PTPRD: variants seen among roughly 807,000 people sequenced by gnomAD.
PTPRD encodes receptor-type tyrosine-protein phosphatase delta.
PTPRD carries 34 observed loss-of-function variants against 214.5 expected under a neutral mutation model. The observed-to-expected ratio is 0.16, with a 90% CI of 0.12 to 0.21. The LOEUF (loss-of-function observed/expected upper bound fraction) is 0.21, where lower values mean the gene tolerates loss of function less well. PTPRD is among the 10% of genes least tolerant of loss of function. The pLI, the probability that PTPRD is intolerant of heterozygous loss-of-function variation, is 1.00. For synonymous variants in PTPRD, 1,128 were observed against 845.7 expected (o/e 1.33, Z -5.79); for missense variants, 2,545 against 2,398.7 (o/e 1.06, Z -1.27).
intron 7 of PTPRD, among the ~76,000 whole-genome samples, chr9:9,575,582 T>C (rs1591982927): frequency 1.3e-5 from 2 of 150,998 alleles, no homozygotes; most frequent in African/African-American, 4.9e-5. Flanking sequence ...TAGCCACCTG[T>C]GGTGGTGCAT....
intron 9 of PTPRD, among the ~76,000 whole-genome samples, chr9:9,285,546 G>A (rs1405475009): frequency 6.6e-6 from 1 of 151,788 alleles, no homozygotes; most frequent in African/African-American, 2.4e-5. Context: ...ATTAGCAATT[G>A]TGCAAGTGCT....
At chr9:10,149,762 G>T (rs567711499) in intron 3 of PTPRD, among the ~76,000 whole-genome samples, 1 of 142,856 alleles carries the variant, frequency 7.0e-6, no homozygotes, top group African/African-American at 2.6e-5. Context: ...ATGGAGTCTT[G>T]CTCTGTCGTC....
chr9:9,386,634 T>C (rs1440879591), intron 9 of PTPRD, among the ~76,000 whole-genome samples: 1 of 152,068 alleles, frequency 6.6e-6, no homozygotes, highest in Non-Finnish European at 1.5e-5. Context: ...AATAGCAAAA[T>C]ATGAGGAAAA....
chr9:8,321,818 T>C (rs1476907585), intron 44 of PTPRD, among the ~76,000 whole-genome samples: 1 of 151,876 alleles, frequency 6.6e-6, no homozygotes, highest in East Asian at 1.9e-4. Flanking sequence ...GTATACACTG[T>C]TTTATTGTGC....
intron 7 of PTPRD, among the ~76,000 whole-genome samples, chr9:9,660,784 T>C (rs996146176): frequency 1.3e-5 from 2 of 151,958 alleles, no homozygotes; most frequent in African/African-American, 4.8e-5. Context: ...AGATTATGCA[T>C]AGAAAATTAA....
At chr9:10,609,676 G>A (rs941563565) in intron 2 of PTPRD, among the ~76,000 whole-genome samples, 3 of 152,046 alleles carry the variant, frequency 2.0e-5, no homozygotes, top group African/African-American at 7.2e-5. Context: ...AGATATCATG[G>A]CATTCCATAA....
At chr9:10,455,224 A>G (rs998664129) in intron 2 of PTPRD, among the ~76,000 whole-genome samples, 1 of 151,592 alleles carries the variant, frequency 6.6e-6, no homozygotes, top group Non-Finnish European at 1.5e-5. Context: ...GAGCTTTCCA[A>G]TTGTTTTTTT....
chr9:9,547,078 T>G (rs189415614), intron 8 of PTPRD, among the ~76,000 whole-genome samples: 1 of 152,132 alleles, frequency 6.6e-6, no homozygotes, highest in Admixed American at 6.6e-5. Flanking sequence ...TAACAACAGC[T>G]ATCACAAAGA....
chr9:8,395,971 G>C (rs1375206703), intron 36 of PTPRD, among the ~76,000 whole-genome samples: 4 of 152,040 alleles, frequency 2.6e-5, no homozygotes, highest in African/African-American at 9.7e-5. Flanking sequence ...GGCCACTGAA[G>C]CTTAACTTTC....
At chr9:10,122,124 A>T (rs2098780727) in intron 3 of PTPRD, among the ~76,000 whole-genome samples, 1 of 152,150 alleles carries the variant, frequency 6.6e-6, no homozygotes, top group African/African-American at 2.4e-5. Context: ...CCTGGCCAAC[A>T]TGGTGAATCC....
intron 11 of PTPRD, among the ~76,000 whole-genome samples, chr9:8,999,976 A>G (rs557398920): frequency 6.6e-6 from 1 of 152,124 alleles, no homozygotes; most frequent in Admixed American, 6.6e-5. Context: ...AATGAGTTTC[A>G]TTTCCTGATC....
At chr9:10,389,679 G>T (rs2098014330) in intron 2 of PTPRD, among the ~76,000 whole-genome samples, 1 of 151,766 alleles carries the variant, frequency 6.6e-6, no homozygotes, top group Non-Finnish European at 1.5e-5. Context: ...CATGACCTCT[G>T]TTCTGACTCC....
chr9:9,492,554 C>T (rs1040749192), intron 8 of PTPRD, among the ~76,000 whole-genome samples: 6 of 151,988 alleles, frequency 3.9e-5, no homozygotes, highest in African/African-American at 7.2e-5. Context: ...TATAAAACAA[C>T]ATGATCAAAC....
chr9:8,851,906 G>A (rs2154543136), intron 11 of PTPRD, among the ~76,000 whole-genome samples: 1 of 152,128 alleles, frequency 6.6e-6, no homozygotes, highest in South Asian at 2.1e-4. Context: ...AGGAACCTGG[G>A]TCGAGATTTT....
intron 5 of PTPRD, among the ~76,000 whole-genome samples, chr9:9,814,429 TCAGTA>T: frequency 6.6e-6 from 1 of 152,050 alleles, no homozygotes; most frequent in Non-Finnish European, 1.5e-5. Flanking sequence ...ATAAATGATT[TCAGTA>T]AAGTTTTGTG....
chr9:9,643,106 T>C (rs1811763671), intron 7 of PTPRD, among the ~76,000 whole-genome samples: 1 of 152,222 alleles, frequency 6.6e-6, no homozygotes, highest in South Asian at 2.1e-4. Context: ...TGGTAGATTA[T>C]GAATGCAGCT....
At chr9:9,447,581 C>G (rs553604522) in intron 8 of PTPRD, among the ~76,000 whole-genome samples, 2 of 151,968 alleles carry the variant, frequency 1.3e-5, no homozygotes, top group East Asian at 3.9e-4. Flanking sequence ...GGGTTTAATA[C>G]CTGGCTGATG....
At chr9:8,791,692 G>C (rs2096243817) in intron 11 of PTPRD, among the ~76,000 whole-genome samples, 1 of 151,900 alleles carries the variant, frequency 6.6e-6, no homozygotes, top group South Asian at 2.1e-4. Context: ...TTTGTGGACT[G>C]AACATGAGAT....
intron 9 of PTPRD, among the ~76,000 whole-genome samples, chr9:9,357,208 T>C (rs759218455): frequency 6.6e-6 from 1 of 151,056 alleles, no homozygotes; most frequent in Non-Finnish European, 1.5e-5. Context: ...ATAAATACTG[T>C]GAGAATTTAT....
Sources: allele counts gnomAD v4.1 joint callset (sites outside exome capture counted in the v4.1 genomes callset), GRCh38; gene constraint gnomAD v4.1.1; transcripts MANE v1.5; gene names NCBI Gene and HGNC (gene_info 2026-07-23, HGNC 2026-07-21).